The following ABL1 variants were observed in gnomAD, a reference collection of about 807,000 sequenced individuals.
ABL1 encodes the protein tyrosine-protein kinase ABL1.
Under a neutral mutation model 94.7 loss-of-function variants are expected in ABL1, and 11 were observed. The observed-to-expected ratio is 0.12, with a 90% confidence interval of 0.07 to 0.19. ABL1 has a LOEUF of 0.19. Among genes scored for constraint, ABL1 ranks in the 10% least tolerant of loss-of-function variants. The pLI, the probability that ABL1 is intolerant of heterozygous loss-of-function variation, is 1.00. For missense variants in ABL1, 1,082 were observed against 1,489.4 expected, an observed-to-expected ratio of 0.73 and a Z score of 4.50; for synonymous variants, 656 against 622.4, an observed-to-expected ratio of 1.05 and a Z score of -0.80.
chr9:130,773,671 G>A (rs1187313884), intron 1 of ABL1, among the ~76,000 whole-genome samples: 1 of 126,828 alleles, frequency 7.9e-6, no homozygotes, highest in African/African-American at 2.9e-5. Flanking sequence ...ATGGGGTTTT[G>A]GGGTTTTACC....
At chr9:130,758,494 G>A (rs952484973) in intron 1 of ABL1, among the ~76,000 whole-genome samples, 10 of 151,866 alleles carry the variant, frequency 6.6e-5, no homozygotes, top group South Asian at 4.1e-4. Flanking sequence ...ATGCAGTGGC[G>A]CAGTCTCGAC....
intron 1 of ABL1, among the ~76,000 whole-genome samples, chr9:130,782,067 T>TA (rs1829763296): frequency 8.0e-6 from 1 of 125,552 alleles, no homozygotes; most frequent in African/African-American, 3.1e-5. Context: ...TTTTTCTTTT[T>TA]CTTTTTTTTT....
chr9:130,734,563 C>G (rs1184472014), intron 1 of ABL1, among the ~76,000 whole-genome samples: 1 of 150,532 alleles, frequency 6.6e-6, no homozygotes, highest in Non-Finnish European at 1.5e-5. Flanking sequence ...ACTCCGTCAC[C>G]CAGGCTGGAG....
At chr9:130,770,124 G>T (rs1832234270) in intron 1 of ABL1, among the ~76,000 whole-genome samples, 1 of 152,064 alleles carries the variant, frequency 6.6e-6, no homozygotes, top group Admixed American at 6.5e-5. Flanking sequence ...CTAGAGCACA[G>T]AACTCTGGCT....
At chr9:130,835,076 C>T (rs1050735404), upstream of ABL1, 1 of 308,128 alleles carries the variant, frequency 3.2e-6, no homozygotes, top group Non-Finnish European at 6.4e-6. This position sits in a 1 kb window ranked among gnomAD's most constrained non-coding sequence, Gnocchi z 4.6. Context: ...GGCCTTCCCC[C>T]TGCGAGGATC....
intron 1 of ABL1, among the ~76,000 whole-genome samples, chr9:130,744,856 CAAAAA>C (rs796361842): frequency 1.7e-5 from 1 of 58,374 alleles, no homozygotes. Flanking sequence ...GACTCCGTCT[CAAAAA>C]AAAAAAAAAA....
chr9:130,820,698 T>A (rs1021417614), intron 1 of ABL1, among the ~76,000 whole-genome samples: 1 of 152,220 alleles, frequency 6.6e-6, no homozygotes, highest in African/African-American at 2.4e-5. Context: ...TGTTTGCAGC[T>A]TGGAACTGAG....
intron 1 of ABL1, among the ~76,000 whole-genome samples, chr9:130,813,689 A>C (rs926638668): frequency 6.6e-6 from 1 of 152,182 alleles, no homozygotes; most frequent in Non-Finnish European, 1.5e-5. Context: ...TTTTAAGTAA[A>C]TCATGGGTCA....
At chr9:130,748,205 A>G (rs1025875072) in intron 1 of ABL1, among the ~76,000 whole-genome samples, 1 of 152,212 alleles carries the variant, frequency 6.6e-6, no homozygotes, top group African/African-American at 2.4e-5. Context: ...CTGCATAAGT[A>G]TGAGGAAGAA....
chr9:130,716,484 T>G (rs1221439155), intron 1 of ABL1, among the ~76,000 whole-genome samples: 1 of 152,176 alleles, frequency 6.6e-6, no homozygotes, highest in Non-Finnish European at 1.5e-5. Flanking sequence ...CTTAATATTC[T>G]GTGGGTTAAA....
chr9:130,864,341 A>C (rs1450145586), intron 4 of ABL1, among the ~76,000 whole-genome samples: 1 of 151,906 alleles, frequency 6.6e-6, no homozygotes, highest in Non-Finnish European at 1.5e-5. Context: ...CGCCTCCCCA[A>C]ATTGGCGATT....
intron 1 of ABL1, among the ~76,000 whole-genome samples, chr9:130,759,989 T>G (rs889479031): frequency 1.9e-4 from 17 of 89,394 alleles, no homozygotes; most frequent in Admixed American, 1.6e-3. Flanking sequence ...TTTTTTTTTT[T>G]GGAGACGGGG....
At chr9:130,735,073 A>G (rs1253484214) in intron 1 of ABL1, among the ~76,000 whole-genome samples, 1 of 152,108 alleles carries the variant, frequency 6.6e-6, no homozygotes, top group Non-Finnish European at 1.5e-5. Flanking sequence ...TCTGTTGCCC[A>G]GGCTGGAGTG....
At chr9:130,757,503 A>G (rs1004619237) in intron 1 of ABL1, among the ~76,000 whole-genome samples, 50 of 148,076 alleles carry the variant, frequency 3.4e-4, no homozygotes, top group South Asian at 6.4e-4. Context: ...CAGAGGTTGC[A>G]GTGAACTAAG....
At chr9:130,815,510 A>G (rs1430587819) in intron 1 of ABL1, among the ~76,000 whole-genome samples, 1 of 152,072 alleles carries the variant, frequency 6.6e-6, no homozygotes, top group African/African-American at 2.4e-5. Context: ...CTTTCAGGTA[A>G]CCGTAACTTC....
chr9:130,843,265 A>G (rs1216154110), intron 1 of ABL1, among the ~76,000 whole-genome samples: 1 of 152,136 alleles, frequency 6.6e-6, no homozygotes, highest in Admixed American at 6.5e-5. Context: ...AGGAGTTTAC[A>G]TTGTTGTGGT....
intron 1 of ABL1, among the ~76,000 whole-genome samples, chr9:130,801,977 T>C (rs1830061312): frequency 6.6e-6 from 1 of 152,192 alleles, no homozygotes; most frequent in Non-Finnish European, 1.5e-5. Context: ...CTCTTGTTTC[T>C]TCTAAATTTT....
At chr9:130,810,479 G>C (rs1413436772) in intron 1 of ABL1, among the ~76,000 whole-genome samples, 8 of 152,026 alleles carry the variant, frequency 5.3e-5, no homozygotes, top group Non-Finnish European at 8.8e-5. Context: ...CTGGGCGAGA[G>C]AGCAAGATTC....
rs1432299939 is a variant in ABL1 at position 130,887,383 on chromosome 9, A to G, written c.*1700A>G. 4.3e-6 allele frequency: 1 copy of G among 233,098 alleles called. No homozygotes were observed. The highest frequency in any genetic ancestry group is 6.0e-5 in the East Asian group (1 of 16,590). The allele number at this position is 233,098 out of a possible 1,614,324, so 14.4% of individuals were successfully genotyped here. ...GCCTTGAAGACAGAGCAAAGCGCCC[A>G]CCCAGGTCCCCCGACTGCCTGTCTC... is the stretch of plus-strand genomic sequence containing the variant. On this transcript the variant is annotated 3_prime_UTR_variant, in exon 11 of 11. Coordinates refer to ENST00000318560, the MANE Select transcript of ABL1 (RefSeq NM_005157.6).
Sources: allele counts gnomAD v4.1 joint callset (sites outside exome capture counted in the v4.1 genomes callset), GRCh38; gene constraint gnomAD v4.1.1; non-coding constraint Gnocchi (gnomAD v3.1); transcripts MANE v1.5; gene names NCBI Gene and HGNC (gene_info 2026-07-23, HGNC 2026-07-21).